Variants in GTF2F2 observed in about 807,000 individuals in gnomAD.
The protein encoded by GTF2F2 is ATP-dependent helicase GTF2F2.
Under a neutral mutation model 42.2 loss-of-function variants are expected in GTF2F2, and 23 were observed. That is an observed-to-expected ratio of 0.55 (90% CI 0.39 to 0.77). The LOEUF is 0.77. GTF2F2 is among the 30% of genes least tolerant of loss of function. The pLI is 0.00. For missense variants in GTF2F2, 261 were observed against 287.2 expected, an observed-to-expected ratio of 0.91 and a Z score of 0.66; for synonymous variants, 105 against 100.8, an observed-to-expected ratio of 1.04 and a Z score of -0.25.
At chr13:45,226,697 A>G (rs1276517188) in intron 5 of GTF2F2, among the ~76,000 whole-genome samples, 1 of 152,156 alleles carries the variant, frequency 6.6e-6, no homozygotes, top group Non-Finnish European at 1.5e-5. Flanking sequence ...CTCTAAATTT[A>G]TAAAATTAGT....
At chr13:45,246,300 C>T (rs930210401) in intron 5 of GTF2F2, among the ~76,000 whole-genome samples, 4 of 152,200 alleles carry the variant, frequency 2.6e-5, no homozygotes, top group Non-Finnish European at 5.9e-5. Flanking sequence ...CGTGAGCCAC[C>T]GCGCCCGGCC....
chr13:45,176,870 C>T (rs1871905286), intron 4 of GTF2F2, among the ~76,000 whole-genome samples: 1 of 152,092 alleles, frequency 6.6e-6, no homozygotes, highest in Non-Finnish European at 1.5e-5. Flanking sequence ...ACTGCAACCT[C>T]TGTCTCCCAG....
chr13:45,151,244 C>G (rs544785226), intron 3 of GTF2F2, among the ~76,000 whole-genome samples: 99 of 152,290 alleles, frequency 6.5e-4, no homozygotes, highest in African/African-American at 2.3e-3. Flanking sequence ...TTTTCTGTTT[C>G]TGCGCTAATT....
intron 2 of GTF2F2, 71 bp from the exon 3 acceptor site, chr13:45,149,699 A>T (rs574211318): frequency 7.3e-7 from 1 of 1,378,628 alleles, no homozygotes; most frequent in South Asian, 1.5e-5. Flanking sequence ...TTTTTTTTTA[A>T]GCTCTTAACT....
rs1872894730 is a variant in GTF2F2, at chr13:45,196,432, TC to T, written c.305-10991del. 1.2e-4 allele frequency among the ~76,000 whole-genome samples: 19 copies of T among 152,346 alleles called. No homozygotes were observed. In the South Asian group the frequency reaches 3.9e-3, roughly 32 times the overall value. On this transcript the variant is annotated intron_variant, in intron 4 of 7. Coordinates refer to ENST00000340473, the MANE Select transcript of GTF2F2 (RefSeq NM_004128.3). ...TTTTGCTTTTTTAGATTAAGTCTTT[TC>T]TGTCAATACAACTTTTTAAGAAATA... is the stretch of plus-strand genomic sequence containing the variant.
chr13:45,244,199 C>T (rs1875469476), intron 5 of GTF2F2, among the ~76,000 whole-genome samples: 1 of 152,072 alleles, frequency 6.6e-6, no homozygotes, highest in Non-Finnish European at 1.5e-5. Context: ...AGGCTGATGA[C>T]TGTCAAGGAG....
rs567496430 is a variant in GTF2F2 at position 45,244,257 on chromosome 13, CTGTT to C, written c.387-8613_387-8610del. On this transcript the variant is annotated intron_variant, in intron 5 of 7. Coordinates refer to ENST00000340473, the MANE Select transcript of GTF2F2 (RefSeq NM_004128.3). ...TGAAGTTTTTATTAGAGATTTTATTCTGTTATATGACCTTTTATGGGACCATATA... is the reference window on the plus strand; with the variant it reads ...TGAAGTTTTTATTAGAGATTTTATTCATATGACCTTTTATGGGACCATATA... Among the ~76,000 whole-genome samples, 172 of 152,200 alleles carry C rather than the reference CTGTT, an allele frequency of 1.1e-3. No homozygotes were observed. The East Asian group carries it at 0.019, about 17-fold the overall frequency.
chr13:45,217,430 T>C (rs1382594086), intron 5 of GTF2F2, among the ~76,000 whole-genome samples: 6 of 152,194 alleles, frequency 3.9e-5, no homozygotes, highest in Non-Finnish European at 7.3e-5. Context: ...ACATTTTGCT[T>C]TTTATTTTAC....
intron 4 of GTF2F2, among the ~76,000 whole-genome samples, chr13:45,165,806 CTTTTTTTTTTTT>C (rs5803286): frequency 4.5e-5 from 4 of 88,890 alleles, no homozygotes; most frequent in South Asian, 3.8e-4. Context: ...TCAGTACATT[CTTTTTTTTTTTT>C]TTTTTTTTTT....
rs1436496189 is a variant in GTF2F2, at chr13:45,252,881, G to A, written c.397G>A (p.Glu133Lys). Residue 133 changes from glutamate (E) to lysine (K), a missense_variant, in exon 6 of 8, where the codon GAA (glutamate) becomes AAA (lysine). Coordinates refer to ENST00000340473, the MANE Select transcript of GTF2F2 (RefSeq NM_004128.3). ...TATATTTTTTTTCAGATTGCAAATA[G>A]AAGAGTCTTCCAAACCAGTGAGGCT... ...NYMRLKRLQI[E>K]ESSKPVRLSQ... The A allele has an allele frequency of 6.8e-7, 1 of 1,460,544 alleles. No homozygotes were observed. Among genetic ancestry groups the A allele is most frequent in the South Asian group, 1.4e-5 (1 of 73,236 alleles). 90.5% of individuals were successfully genotyped at this position (1,460,544 alleles called of 1,614,324 possible).
At chr13:45,135,980 G>A (rs1869599446) in intron 1 of GTF2F2, among the ~76,000 whole-genome samples, 1 of 152,106 alleles carries the variant, frequency 6.6e-6, no homozygotes, top group Non-Finnish European at 1.5e-5. Context: ...TTCCTTTTTG[G>A]GAATTAAAGT....
chr13:45,162,771 T>C (rs985343428), intron 4 of GTF2F2, among the ~76,000 whole-genome samples: 3 of 152,230 alleles, frequency 2.0e-5, no homozygotes, highest in Non-Finnish European at 2.9e-5. Flanking sequence ...TTAAAACTTA[T>C]GATTTACTCT....
At chr13:45,241,184 A>AATATATATAT (rs71697631) in intron 5 of GTF2F2, among the ~76,000 whole-genome samples, 1 of 143,886 alleles carries the variant, frequency 6.9e-6, no homozygotes, top group African/African-American at 2.5e-5. Flanking sequence ...ATAAATATAA[A>AATATATATAT]ATATATATAT....
chr13:45,262,082 A>T (rs1876364797), intron 6 of GTF2F2, among the ~76,000 whole-genome samples: 1 of 152,186 alleles, frequency 6.6e-6, no homozygotes, highest in African/African-American at 2.4e-5. Flanking sequence ...AAAAAAAAAA[A>T]TTTAACTGGC....
At chr13:45,187,516 T>A (rs1191906393) in intron 4 of GTF2F2, among the ~76,000 whole-genome samples, 1 of 152,224 alleles carries the variant, frequency 6.6e-6, no homozygotes, top group Admixed American at 6.5e-5. Flanking sequence ...AGAAATACAG[T>A]CCACCTCTTC....
chr13:45,240,996 A>G (rs1202786705), intron 5 of GTF2F2, among the ~76,000 whole-genome samples: 4 of 141,790 alleles, frequency 2.8e-5, no homozygotes, highest in African/African-American at 1.1e-4. Flanking sequence ...AAAAAAAATT[A>G]GAAAAAATTA....
At chr13:45,276,238 G>C (rs554192172) in intron 7 of GTF2F2, among the ~76,000 whole-genome samples, 1 of 152,084 alleles carries the variant, frequency 6.6e-6, no homozygotes, top group African/African-American at 2.4e-5. Context: ...ATATCATAGT[G>C]TGTATATACC....
chr13:45,262,332 C>A (rs980057444), intron 6 of GTF2F2, among the ~76,000 whole-genome samples: 2 of 152,218 alleles, frequency 1.3e-5, no homozygotes, highest in African/African-American at 4.8e-5. Flanking sequence ...TATGATCACA[C>A]CACTGCACTC....
At chr13:45,269,617 T>C (rs1876707571) in intron 7 of GTF2F2, among the ~76,000 whole-genome samples, 1 of 152,106 alleles carries the variant, frequency 6.6e-6, no homozygotes, top group South Asian at 2.1e-4. Context: ...AGATCAATGG[T>C]CCAGGAAAGG....
Sources: gnomAD v4.1 joint callset for allele counts (sites outside exome capture counted in the v4.1 genomes callset) on GRCh38, gnomAD v4.1.1 for gene constraint, MANE v1.5 for transcripts, NCBI Gene and HGNC (gene_info 2026-07-23, HGNC 2026-07-21) for gene names.